XPR1: variants seen among roughly 807,000 people sequenced by gnomAD.
The protein encoded by XPR1 is xenotropic and polytropic retrovirus receptor 1.
In XPR1, 28 loss-of-function variants were observed where a neutral mutation model predicts 87.5. That is an observed-to-expected ratio of 0.32 (90% CI 0.24 to 0.44). The LOEUF (loss-of-function observed/expected upper bound fraction) is 0.44. Ranked by LOEUF, XPR1 falls within the 20% of genes least tolerant of loss-of-function variation. The pLI, the probability that XPR1 is intolerant of heterozygous loss-of-function variation, is 1.00. For synonymous variants in XPR1, 300 were observed against 306.1 expected (o/e 0.98, Z 0.21); for missense variants, 559 against 862.3 (o/e 0.65, Z 4.41).
rs35510210 is a variant in XPR1 at position 180,730,829 on chromosome 1, ATTT to A, written c.121+48427_121+48429del. Among the ~76,000 whole-genome samples the A allele has an allele frequency of 2.0e-5, 3 of 149,584 alleles. No individual in the cohort carries two copies. In the East Asian group the frequency reaches 5.9e-4, roughly 29 times the overall value. On this transcript the variant is annotated intron_variant, in intron 2 of 14. Coordinates refer to ENST00000367590, the MANE Select transcript of XPR1 (RefSeq NM_004736.4). ...AAGTGTTCACCACCATGCCCAGCTA[ATTT>A]TTTTTTTTATTTTTTGTAGAGATGA... is the stretch of plus-strand genomic sequence containing the variant.
chr1:180,711,965 G>T (rs2101985428), intron 2 of XPR1, among the ~76,000 whole-genome samples: 1 of 152,244 alleles, frequency 6.6e-6, no homozygotes, highest in South Asian at 2.1e-4. Context: ...AGACCATCCT[G>T]TCTCCACTGT....
intron 2 of XPR1, among the ~76,000 whole-genome samples, chr1:180,704,245 G>GATATATGTATATATATATATAT (rs1657465596): frequency 1.5e-5 from 1 of 66,054 alleles, no homozygotes; most frequent in Admixed American, 1.8e-4. Context: ...ATAGGTGCTG[G>GATATATGTATATATATATATAT]ATATATATAT....
chr1:180,743,395 AC>A (rs1658983971), intron 2 of XPR1, among the ~76,000 whole-genome samples: 1 of 151,942 alleles, frequency 6.6e-6, no homozygotes, highest in Non-Finnish European at 1.5e-5. Context: ...AGAACATAGA[AC>A]CCTTTACACC....
Position 180,632,090 on chromosome 1 carries a change from G to C in XPR1, c.-112G>C, listed in dbSNP as rs1048512776. Reference sequence around the variant, plus strand: ...ACCTCGGCGGCGGCGGAGGAGGAGAGAAGCGCAGCGCCGCGCCGCGCCGGG... The same window carrying C: ...ACCTCGGCGGCGGCGGAGGAGGAGACAAGCGCAGCGCCGCGCCGCGCCGGG... On this transcript the variant is annotated 5_prime_UTR_variant, in exon 1 of 15. Transcript: ENST00000367590. 1.0e-4 allele frequency: 132 copies of C among 1,319,146 alleles called. No individual in the cohort carries two copies. The highest frequency in any genetic ancestry group is 2.9e-5 in the African/African-American group (2 of 68,612). The allele number at this position is 1,319,146 out of a possible 1,614,324, so 81.7% of individuals were successfully genotyped here.
intron 11 of XPR1, among the ~76,000 whole-genome samples, chr1:180,859,211 G>T (rs1219418788): frequency 6.6e-6 from 1 of 151,834 alleles, no homozygotes; most frequent in African/African-American, 2.4e-5. Context: ...TTCCCACATT[G>T]TCCCTTTAGT....
Position 180,855,375 on chromosome 1 carries a change from G to A in XPR1, c.1502-8333G>A, listed in dbSNP as rs181748949. Among the ~76,000 whole-genome samples the A allele has an allele frequency of 1.8e-4, 27 of 152,114 alleles. No homozygotes were observed. In the East Asian group the frequency reaches 1.9e-3, roughly 11 times the overall value. On this transcript the variant is annotated intron_variant, in intron 11 of 14. Transcript: ENST00000367590. Reference sequence around the variant, plus strand: ...ATCTCAAAAATGTTAACTTGAAAAGGGGTTTTTACAGCTGGGCACAGTGGC... The same window carrying A: ...ATCTCAAAAATGTTAACTTGAAAAGAGGTTTTTACAGCTGGGCACAGTGGC...
intron 1 of XPR1, among the ~76,000 whole-genome samples, chr1:180,648,001 A>G (rs768933507): frequency 6.6e-6 from 1 of 151,404 alleles, no homozygotes; most frequent in Non-Finnish European, 1.5e-5. Flanking sequence ...TGTGGCCACT[A>G]GTCAGATGTG....
intron 2 of XPR1, among the ~76,000 whole-genome samples, chr1:180,704,814 GTTTTTTTTTTTT>G (rs567903048): frequency 5.2e-4 from 27 of 51,962 alleles, no homozygotes; most frequent in African/African-American, 1.7e-3. Context: ...ACTGTTGGTT[GTTTTTTTTTTTT>G]TTTTTTTTTT....
chr1:180,642,066 A>G (rs896100096), intron 1 of XPR1, among the ~76,000 whole-genome samples: 1 of 152,184 alleles, frequency 6.6e-6, no homozygotes, highest in Non-Finnish European at 1.5e-5. Flanking sequence ...GACTGGGTAA[A>G]TTAATGATGT....
At chr1:180,719,813 T>C (rs979742054) in intron 2 of XPR1, among the ~76,000 whole-genome samples, 3 of 152,214 alleles carry the variant, frequency 2.0e-5, no homozygotes, top group Non-Finnish European at 4.4e-5. Flanking sequence ...AATCCTACCT[T>C]ACATAAACTG....
chr1:180,792,123 C>T (rs1047555301), intron 3 of XPR1, among the ~76,000 whole-genome samples: 1 of 152,150 alleles, frequency 6.6e-6, no homozygotes, highest in African/African-American at 2.4e-5. Context: ...GCCACCTTCT[C>T]CCCAGAAGAT....
chr1:180,800,073 T>C (rs1558014011), intron 3 of XPR1, among the ~76,000 whole-genome samples: 1 of 152,234 alleles, frequency 6.6e-6, no homozygotes. Flanking sequence ...TGTTCCTTCC[T>C]TCATCATATT....
chr1:180,804,994 C>T (rs3789373), intron 4 of XPR1, among the ~76,000 whole-genome samples: 52,675 of 151,894 alleles, frequency 0.35, 9,534 homozygotes, highest in Non-Finnish European at 0.39. Flanking sequence ...AGCTTTTGTT[C>T]GGAGTCATTA....
chr1:180,756,603 G>C (rs956485826), intron 2 of XPR1, among the ~76,000 whole-genome samples: 4 of 151,966 alleles, frequency 2.6e-5, no homozygotes, highest in Non-Finnish European at 5.9e-5. Context: ...GGTGTCCTTT[G>C]AATAACAAAA....
intron 2 of XPR1, among the ~76,000 whole-genome samples, chr1:180,768,035 A>G (rs1970404): frequency 0.74 from 111,860 of 151,816 alleles, 41,686 homozygotes; most frequent in African/African-American, 0.8. Context: ...TAGTAAAGAC[A>G]CGGTTTCACT....
intron 3 of XPR1, among the ~76,000 whole-genome samples, chr1:180,802,373 T>A (rs1460754494): frequency 6.6e-6 from 1 of 152,186 alleles, no homozygotes; most frequent in East Asian, 1.9e-4. Context: ...TTTTAACACA[T>A]AATTTGCAAG....
At chr1:180,671,599 A>G (rs893781809) in intron 1 of XPR1, among the ~76,000 whole-genome samples, 1 of 152,088 alleles carries the variant, frequency 6.6e-6, no homozygotes, top group Non-Finnish European at 1.5e-5. Flanking sequence ...ATCTCGGCTC[A>G]CTGCAGCCCC....
chr1:180,764,773 T>C (rs916280475), intron 2 of XPR1, among the ~76,000 whole-genome samples: 14 of 135,094 alleles, frequency 1.0e-4, no homozygotes, highest in African/African-American at 4.0e-4. Flanking sequence ...CCCAGCCTTA[T>C]GGATAATTTT....
At chr1:180,686,978 T>G (rs1180940086) in intron 2 of XPR1, among the ~76,000 whole-genome samples, 1 of 152,164 alleles carries the variant, frequency 6.6e-6, no homozygotes, top group African/African-American at 2.4e-5. Flanking sequence ...TATAATATAT[T>G]TAATTCTCTA....
Sources: allele counts gnomAD v4.1 joint callset (sites outside exome capture counted in the v4.1 genomes callset), GRCh38; gene constraint gnomAD v4.1.1; transcripts MANE v1.5; gene names NCBI Gene and HGNC (gene_info 2026-07-23, HGNC 2026-07-21).